The following TRPM3 variants were observed in gnomAD, a reference collection of about 807,000 sequenced individuals.
TRPM3 encodes transient receptor potential cation channel subfamily M member 3.
TRPM3 carries 77 observed loss-of-function variants against 181.2 expected under a neutral mutation model. The ratio of observed to expected loss-of-function variants is 0.42; its 90% CI spans 0.35 to 0.51. TRPM3 has a LOEUF of 0.51. Ranked by LOEUF, TRPM3 falls within the 20% of genes least tolerant of loss-of-function variation. The probability of loss-of-function intolerance (pLI) is 0.01; values close to 1 mark genes in which losing one functional copy is unlikely to be tolerated. For missense variants in TRPM3, 1,759 were observed against 2,196.7 expected (o/e 0.80, Z 3.98); for synonymous variants, 745 against 796.4 (o/e 0.94, Z 1.09).
rs562780086 is a variant in TRPM3 at position 70,923,006 on chromosome 9, C to A, written c.178-58495G>T. The stretch of plus-strand genomic sequence containing the variant: ...ATCCACGTATCAAAAGTAATGGCCA[C>A]CAAGAGAAAAAGCCATTGATCTTTC... On this transcript the variant is annotated intron_variant, in intron 1 of 25. Coordinates refer to ENST00000677713, the MANE Select transcript of TRPM3 (RefSeq NM_001366145.2). Among the ~76,000 whole-genome samples, 50 of 152,172 alleles carry A rather than the reference C, an allele frequency of 3.3e-4. 1 individual carries two copies. The highest frequency in any genetic ancestry group is 5.9e-4 in the Non-Finnish European group (40 of 68,002).
intron 1 of TRPM3, among the ~76,000 whole-genome samples, chr9:71,080,130 A>G (rs1458806107): frequency 6.6e-6 from 1 of 151,718 alleles, no homozygotes. Flanking sequence ...AGATCGCACC[A>G]ATGCACTCCA....
intron 25 of TRPM3, among the ~76,000 whole-genome samples, chr9:70,546,774 T>G (rs956238929): frequency 3.3e-5 from 5 of 151,786 alleles, no homozygotes; most frequent in African/African-American, 1.2e-4. Flanking sequence ...TTGTCCCAAA[T>G]AAAGCAGAGG....
chr9:70,768,811 G>T (rs10746855), intron 7 of TRPM3, among the ~76,000 whole-genome samples: 56,212 of 151,892 alleles, frequency 0.37, 12,684 homozygotes, highest in East Asian at 0.5. Context: ...ATTTACTAGT[G>T]AGGGACCTGA....
At chr9:71,322,977 T>C (rs1239615046) in intron 1 of TRPM3, among the ~76,000 whole-genome samples, 1 of 152,182 alleles carries the variant, frequency 6.6e-6, no homozygotes, top group Non-Finnish European at 1.5e-5. Context: ...ATTTACCTTT[T>C]TGCAATATTT....
chr9:71,080,497 T>A (rs1339560381), intron 1 of TRPM3, among the ~76,000 whole-genome samples: 2 of 152,190 alleles, frequency 1.3e-5, no homozygotes, highest in Admixed American at 1.3e-4. Flanking sequence ...ATTGACATTC[T>A]TAGTAAGTTT....
At chr9:70,900,237 A>G (rs1215313579) in intron 1 of TRPM3, among the ~76,000 whole-genome samples, 1 of 152,192 alleles carries the variant, frequency 6.6e-6, no homozygotes, top group Admixed American at 6.5e-5. Flanking sequence ...GCTACTCGGA[A>G]GGCTGAGGCA....
At chr9:71,085,643 G>A (rs2065135043) in intron 1 of TRPM3, among the ~76,000 whole-genome samples, 2 of 151,946 alleles carry the variant, frequency 1.3e-5, no homozygotes, top group South Asian at 4.2e-4. Flanking sequence ...AAACCACAAT[G>A]AGATACCATC....
At chr9:71,163,185 A>G (rs1247962152) in intron 1 of TRPM3, among the ~76,000 whole-genome samples, 1 of 152,208 alleles carries the variant, frequency 6.6e-6, no homozygotes, top group Admixed American at 6.6e-5. Context: ...AGCTTTTTCC[A>G]AGGTCACAGT....
chr9:70,620,930 G>A lies in TRPM3; in HGVS notation c.1839+314C>T, dbSNP rs553260999. 8.7e-4 allele frequency among the ~76,000 whole-genome samples: 131 copies of A among 150,646 alleles called. 1 individual carries two copies. Among genetic ancestry groups the A allele is most frequent in the African/African-American group, 3.0e-3 (123 of 41,174 alleles). ...GTTTTCAGGTTAGTATTTCAAATAGGATTTTTTTTTGTTTGCATTGCAGAT... is the reference window on the plus strand; with the variant it reads ...GTTTTCAGGTTAGTATTTCAAATAGAATTTTTTTTTGTTTGCATTGCAGAT... On this transcript the variant is annotated intron_variant, in intron 15 of 25. Coordinates refer to ENST00000677713, the MANE Select transcript of TRPM3 (RefSeq NM_001366145.2).
At chr9:71,213,729 A>G (rs1252070595) in intron 1 of TRPM3, among the ~76,000 whole-genome samples, 1 of 152,204 alleles carries the variant, frequency 6.6e-6, no homozygotes, top group African/African-American at 2.4e-5. Flanking sequence ...ACAGATTGTT[A>G]CAAAGATCCC....
chr9:71,328,009 A>G (rs2089822396), intron 1 of TRPM3, among the ~76,000 whole-genome samples: 1 of 151,828 alleles, frequency 6.6e-6, no homozygotes, highest in Non-Finnish European at 1.5e-5. Flanking sequence ...TGGATATCAA[A>G]GAGTGGGAAT....
intron 1 of TRPM3, among the ~76,000 whole-genome samples, chr9:71,230,595 G>A (rs1412637144): frequency 6.6e-6 from 1 of 152,050 alleles, no homozygotes; most frequent in African/African-American, 2.4e-5. Context: ...TATGCCTACT[G>A]TGTACCCACA....
intron 22 of TRPM3, among the ~76,000 whole-genome samples, chr9:70,585,345 T>G (rs1373152625): frequency 6.6e-6 from 1 of 152,128 alleles, no homozygotes; most frequent in Non-Finnish European, 1.5e-5. Flanking sequence ...TTTCTACTTG[T>G]GCCCGCTGGT....
At chr9:70,739,980 A>T (rs976698829) in intron 8 of TRPM3, among the ~76,000 whole-genome samples, 1 of 152,136 alleles carries the variant, frequency 6.6e-6, no homozygotes, top group Non-Finnish European at 1.5e-5. Flanking sequence ...GAACAATCAG[A>T]CAAGAGAAGG....
intron 1 of TRPM3, among the ~76,000 whole-genome samples, chr9:71,220,465 C>T (rs528020667): frequency 1.3e-5 from 2 of 151,790 alleles, no homozygotes; most frequent in South Asian, 2.1e-4. Context: ...CTTCCAATAG[C>T]CTTTATTAAC....
At chr9:71,282,101 GAAA>G (rs1444548139) in intron 1 of TRPM3, among the ~76,000 whole-genome samples, 6 of 62,384 alleles carry the variant, frequency 9.6e-5, no homozygotes, top group African/African-American at 3.3e-4. Flanking sequence ...GAGAAAGAAA[GAAA>G]AGAAAGAAAG....
intron 1 of TRPM3, among the ~76,000 whole-genome samples, chr9:71,208,579 C>T (rs1044042347): frequency 1.3e-5 from 2 of 152,194 alleles, no homozygotes; most frequent in African/African-American, 4.8e-5. Flanking sequence ...GTGAGACCAG[C>T]TTCCAAGAGT....
chr9:70,907,131 C>G (rs770290747), intron 1 of TRPM3, among the ~76,000 whole-genome samples: 1 of 152,140 alleles, frequency 6.6e-6, no homozygotes, highest in Admixed American at 6.5e-5. Context: ...TCCACTGATT[C>G]TATATGTTTA....
At position 70,549,603 on chromosome 9, in the gene TRPM3, T is replaced by C. The variant is rs577131917; in HGVS notation, c.3646A>G (p.Arg1216Gly). The C allele has an allele frequency of 1.2e-6, 2 of 1,613,626 alleles. No individual in the cohort carries two copies. Among genetic ancestry groups the C allele is most frequent in the Non-Finnish European group, 1.7e-6 (2 of 1,179,898 alleles). Residue 1216 changes from arginine to glycine, a missense_variant, in exon 25 of 26, where the codon AGA becomes GGA. This residue lies in a region of TRPM3 where 96 missense variants were observed against 129.6 expected (regional missense o/e 0.74). Transcript: ENST00000677713. ...GAGTTGAACCGATCATCCTTTTCTC[T>C]GAAGTATTCTTCTATGCATTGCTCT... ...FEEQCIEEYFREKDDRFNSSN... is the reference protein window; with the variant it reads ...FEEQCIEEYFGEKDDRFNSSN...
Sources: allele counts gnomAD v4.1 joint callset (sites outside exome capture counted in the v4.1 genomes callset), GRCh38; gene constraint gnomAD v4.1.1; regional missense constraint gnomAD v4.1.1; transcripts MANE v1.5; gene names NCBI Gene and HGNC (gene_info 2026-07-23, HGNC 2026-07-21).